The following MTF1 variants were observed in gnomAD, a reference collection of about 807,000 sequenced individuals.
MTF1 encodes the protein metal regulatory transcription factor 1.
MTF1 carries 22 observed loss-of-function variants against 70.4 expected under a neutral mutation model. That is an observed-to-expected ratio of 0.31 (90% confidence interval 0.22 to 0.45). The LOEUF (loss-of-function observed/expected upper bound fraction) is 0.45, where lower values mean the gene tolerates loss of function less well. Ranked by LOEUF, MTF1 falls within the 20% of genes least tolerant of loss-of-function variation. The probability of loss-of-function intolerance (pLI) is 1.00; values close to 1 mark genes in which losing one functional copy is unlikely to be tolerated. For missense variants in MTF1, 649 were observed against 922.0 expected, an observed-to-expected ratio of 0.70 and a Z score of 3.83; for synonymous variants, 333 against 352.8, an observed-to-expected ratio of 0.94 and a Z score of 0.63.
At chr1:37,829,294 A>T (rs1389888544) in intron 7 of MTF1, among the ~76,000 whole-genome samples, 1 of 151,866 alleles carries the variant, frequency 6.6e-6, no homozygotes, top group Non-Finnish European at 1.5e-5. Flanking sequence ...TATTAAAAAA[A>T]ATATTTTTAT....
At chr1:37,838,493 C>G (rs1192442020) in intron 4 of MTF1, 132 bp downstream of exon 4, 3 of 665,418 alleles carry the variant, frequency 4.5e-6, no homozygotes, top group Non-Finnish European at 7.2e-6. Context: ...TATAGCTGTC[C>G]TGGGGTGAGC....
At chr1:37,835,315 G>A in intron 5 of MTF1, 100 bp from the exon 6 acceptor site, 2 of 1,035,602 alleles carry the variant, frequency 1.9e-6, no homozygotes, top group East Asian at 2.4e-5. Flanking sequence ...ATTTTTAAGA[G>A]AGTTTGGGTA....
chr1:37,832,245 C>A lies in MTF1; in HGVS notation c.1068G>T (p.Thr356=), dbSNP rs747409518. The change falls in exon 7 of 11, where the codon ACG becomes ACT. Residue 356 remains threonine (T), a splice_region_variant and synonymous_variant. Transcript: ENST00000373036. The part of the protein sequence containing the change: ...TDSELRENSS[T]TQGQDLSTIS... ...GCACTGGTATTACAGGTACACTTACCGTACTGGAATTTTCTCGCAATTCAG... is the reference window on the plus strand; with the variant it reads ...GCACTGGTATTACAGGTACACTTACAGTACTGGAATTTTCTCGCAATTCAG... 1.2e-6 allele frequency: 2 copies of A among 1,604,644 alleles called. No homozygotes were observed. The highest frequency in any genetic ancestry group is 2.2e-5 in the East Asian group (1 of 44,770).
In MTF1 at chr1:37,815,162, C is replaced by G. The variant is rs767970382; in HGVS notation, c.2236G>C (p.Gly746Arg). ...EALLQGEEEMGLTSSFSK is the reference protein window; with the variant it reads ...EALLQGEEEMRLTSSFSK ...CACTTGGAGAAGCTGCTGGTGAGGCCCATCTCCTCCTCCCCCTGCAGTAGT... is the reference window on the plus strand; with the variant it reads ...CACTTGGAGAAGCTGCTGGTGAGGCGCATCTCCTCCTCCCCCTGCAGTAGT... Residue 746 changes from glycine (G) to arginine (R), a missense_variant, in exon 11 of 11, where the codon GGC becomes CGC. Gly to Arg is a moderately radical substitution (Grantham distance 125). Coordinates refer to ENST00000373036, the MANE Select transcript of MTF1 (RefSeq NM_005955.3). This position sits in a 1 kb window ranked among gnomAD's most constrained non-coding sequence, Gnocchi z 4.5. 1.2e-6 allele frequency: 2 copies of G among 1,614,128 alleles called. No individual in the cohort carries two copies. Among genetic ancestry groups the G allele is most frequent in the Admixed American group, 3.3e-5 (2 of 60,018 alleles).
chr1:37,852,301 T>C (rs1641428012), intron 2 of MTF1, among the ~76,000 whole-genome samples: 1 of 152,228 alleles, frequency 6.6e-6, no homozygotes, highest in African/African-American at 2.4e-5. Context: ...TTCCATTTGT[T>C]CATGTTACTT....
At chr1:37,855,134 G>A (rs1641472361) in intron 2 of MTF1, among the ~76,000 whole-genome samples, 1 of 152,122 alleles carries the variant, frequency 6.6e-6, no homozygotes, top group Non-Finnish European at 1.5e-5. Context: ...ATGAGAGACT[G>A]GGGAAAATGT....
At position 37,815,251 on chromosome 1, in the gene MTF1, T is replaced by A; in HGVS notation, c.2147A>T (p.Asp716Val). The change falls in exon 11 of 11, where the codon GAT becomes GTT. Residue 716 changes from aspartate (D) to valine (V), a missense_variant. Physicochemically the swap from Asp to Val is radical, Grantham distance 152. This residue lies in a region of MTF1 where 138 missense variants were observed against 134.4 expected (regional missense o/e 1.03). Transcript: ENST00000373036. The surrounding 1 kb of genome is among the most constrained non-coding windows in gnomAD (Gnocchi z 4.5). ...DPQTETLSAMDVSEFLSLQSL... is the reference protein window; with the variant it reads ...DPQTETLSAMVVSEFLSLQSL... ...CTGGAGGGATAGAAACTCTGACACA[T>A]CCATGGCACTTAATGTTTCTGTCTG... The A allele has an allele frequency of 6.2e-7, 1 of 1,613,970 alleles. No homozygotes were observed. Among genetic ancestry groups the A allele is most frequent in the Non-Finnish European group, 8.5e-7 (1 of 1,180,010 alleles).
Position 37,815,104 on chromosome 1 carries a change from G to A in MTF1, c.*32C>T, listed in dbSNP as rs1370112958. The A allele has an allele frequency of 5.0e-6, 8 of 1,590,030 alleles. No homozygotes were observed. The highest frequency in any genetic ancestry group is 3.5e-4 in the Middle Eastern group (2 of 5,686). Reference sequence around the variant, plus strand: ...TGTACCTCATGCCTCCTGCTCACCCGCTTTTCCCAGAGGTGAGCACACATG... The same window carrying A: ...TGTACCTCATGCCTCCTGCTCACCCACTTTTCCCAGAGGTGAGCACACATG... On this transcript the variant is annotated 3_prime_UTR_variant, in exon 11 of 11. Coordinates refer to ENST00000373036, the MANE Select transcript of MTF1 (RefSeq NM_005955.3). This position sits in a 1 kb window ranked among gnomAD's most constrained non-coding sequence, Gnocchi z 4.5.
Position 37,838,658 on chromosome 1 carries a change from T to G in MTF1, c.746A>C (p.His249Pro). The G allele has an allele frequency of 6.2e-7, 1 of 1,613,092 alleles. No individual in the cohort carries two copies. Among genetic ancestry groups the G allele is most frequent in the Non-Finnish European group, 8.5e-7 (1 of 1,179,190 alleles). ...CTTTTCCCCTGTATGAGTTCGAATG[T>G]GCTTCCTCAGATCACTGAGTGTGGT... ...YFTTLSDLRK[H>P]IRTHTGEKPF... The change falls in exon 4 of 11, where the codon CAC becomes CCC. Residue 249 changes from histidine (H) to proline (P), a missense_variant. By Grantham distance (77) the His-to-Pro change is moderately conservative (BLOSUM62 -2). This residue lies in a region of MTF1 where 118 missense variants were observed against 287.2 expected (regional missense o/e 0.41). Transcript: ENST00000373036.
chr1:37,848,820 C>G (rs1641371682), intron 2 of MTF1, among the ~76,000 whole-genome samples: 1 of 152,126 alleles, frequency 6.6e-6, no homozygotes, highest in Non-Finnish European at 1.5e-5. Context: ...AGGGAACCTG[C>G]AAAGAAATGT....
intron 9 of MTF1, among the ~76,000 whole-genome samples, chr1:37,819,203 TATTCTGTTA>T (rs1281627776): frequency 2.0e-5 from 3 of 152,194 alleles, no homozygotes; most frequent in African/African-American, 7.2e-5. Flanking sequence ...CAGTTTGGGG[TATTCTGTTA>T]TAAGCAACAG....
rs1265241192 is a variant in MTF1 at position 37,822,234 on chromosome 1, T to G, written c.1654A>C (p.Ile552Leu). 1 of 1,614,024 alleles carries G rather than the reference T, an allele frequency of 6.2e-7. No homozygotes were observed. The highest frequency in any genetic ancestry group is 8.5e-7 in the Non-Finnish European group (1 of 1,179,996). The change falls in exon 9 of 11, where the codon ATC becomes CTC. Residue 552 changes from isoleucine (I) to leucine (L), a missense_variant. By Grantham distance (5) the Ile-to-Leu change is conservative. Transcript: ENST00000373036. ...ATAGCTGTGTTGGGAGTTGGGGTGA[T>G]GGTTATTGTGGGATTATTAGTTAGG... ...SVLTNNPTIT[I>L]TPTPNTAILQ...
chr1:37,830,927 T>C (rs1175625882), intron 7 of MTF1, among the ~76,000 whole-genome samples: 4 of 152,226 alleles, frequency 2.6e-5, no homozygotes, highest in Non-Finnish European at 5.9e-5. Flanking sequence ...GCTACCTGCC[T>C]TCACTTTCCA....
At chr1:37,824,055 G>A (rs1640963879) in intron 7 of MTF1, among the ~76,000 whole-genome samples, 1 of 151,924 alleles carries the variant, frequency 6.6e-6, no homozygotes, top group Non-Finnish European at 1.5e-5. Flanking sequence ...ACGTTGCCCA[G>A]GCTGGTCTTG....
chr1:37,855,460 T>C (rs1641475944), intron 2 of MTF1, among the ~76,000 whole-genome samples: 2 of 151,968 alleles, frequency 1.3e-5, no homozygotes, highest in Non-Finnish European at 2.9e-5. Context: ...CTGCATAGGG[T>C]AGGAGGTGGG....
At position 37,809,827 on chromosome 1, in the gene MTF1, C is replaced by T. The variant is rs1004159505; in HGVS notation, c.*5309G>A. 3 of 152,512 alleles carry T rather than the reference C, an allele frequency of 2.0e-5. No homozygotes were observed. Among genetic ancestry groups the T allele is most frequent in the Non-Finnish European group, 2.9e-5 (2 of 68,030 alleles). 9.4% of individuals were successfully genotyped at this position (152,512 alleles called of 1,614,324 possible). On this transcript the variant is annotated 3_prime_UTR_variant, in exon 11 of 11. Transcript: ENST00000373036. ...GTTTTCACATCGCTCAGTGGAAGTC[C>T]GTTGTTCCCATGTTTCACACTTACT...
intron 6 of MTF1, among the ~76,000 whole-genome samples, chr1:37,833,598 T>C (rs2148409826): frequency 6.6e-6 from 1 of 152,286 alleles, no homozygotes; most frequent in South Asian, 2.1e-4. Flanking sequence ...GATACATTAA[T>C]GAACAAACTA....
intron 9 of MTF1, among the ~76,000 whole-genome samples, chr1:37,820,793 T>TG (rs1640898157): frequency 6.6e-6 from 1 of 152,168 alleles, no homozygotes; most frequent in Non-Finnish European, 1.5e-5. Context: ...GTATCAATAC[T>TG]GGTTCATCAG....
At chr1:37,836,079 G>C (rs1231674988) in intron 4 of MTF1, among the ~76,000 whole-genome samples, 1 of 152,112 alleles carries the variant, frequency 6.6e-6, no homozygotes, top group South Asian at 2.1e-4. Flanking sequence ...GATTACAGAC[G>C]TGAACCACTG....
Sources: allele counts gnomAD v4.1 joint callset (sites outside exome capture counted in the v4.1 genomes callset), GRCh38; gene constraint gnomAD v4.1.1; regional missense constraint gnomAD v4.1.1; non-coding constraint Gnocchi (gnomAD v3.1); transcripts MANE v1.5; gene names NCBI Gene and HGNC (gene_info 2026-07-23, HGNC 2026-07-21).